PREX1: variants seen among roughly 807,000 people sequenced by gnomAD.
PREX1 encodes phosphatidylinositol 3,4,5-trisphosphate-dependent Rac exchanger 1 protein.
Under a neutral mutation model 198.3 loss-of-function variants are expected in PREX1, and 41 were observed. The ratio of observed to expected loss-of-function variants is 0.21; its 90% confidence interval spans 0.16 to 0.27. The LOEUF (loss-of-function observed/expected upper bound fraction) is 0.27. Ranked by LOEUF, PREX1 falls within the 10% of genes least tolerant of loss-of-function variation. PREX1 has a pLI of 1.00. For missense variants in PREX1, 1,620 were observed against 2,200.7 expected (o/e 0.74, Z 5.28); for synonymous variants, 843 against 887.2 (o/e 0.95, Z 0.89).
At chr20:48,700,156 A>G (rs914699348) in intron 7 of PREX1, among the ~76,000 whole-genome samples, 1 of 152,254 alleles carries the variant, frequency 6.6e-6, no homozygotes, top group Non-Finnish European at 1.5e-5. Flanking sequence ...AAAGAAGGTG[A>G]AGAAACTATC....
the PREX1 span, among the ~76,000 whole-genome samples, chr20:48,836,003 GGGGTGAAATA>G: frequency 6.6e-6 from 1 of 152,196 alleles, no homozygotes; most frequent in African/African-American, 2.4e-5. Flanking sequence ...AGAGGATCTA[GGGGTGAAATA>G]GAGTGAAATA....
intron 1 of PREX1, among the ~76,000 whole-genome samples, chr20:48,770,680 A>T (rs1317017992): frequency 1.3e-5 from 2 of 152,162 alleles, no homozygotes; most frequent in Non-Finnish European, 2.9e-5. Flanking sequence ...ACTGCATTCC[A>T]GCCTGGGTGA....
chr20:48,763,988 A>G (rs1373231288), intron 1 of PREX1, among the ~76,000 whole-genome samples: 4 of 152,206 alleles, frequency 2.6e-5, no homozygotes, highest in African/African-American at 7.2e-5. Flanking sequence ...GCCTCAGAGC[A>G]TGCAGCTAAG....
chr20:48,855,573 A>T, the PREX1 span, among the ~76,000 whole-genome samples: 1 of 152,150 alleles, frequency 6.6e-6, no homozygotes, highest in Admixed American at 6.5e-5. Context: ...CAGCTCATGG[A>T]GCTGACACTC....
intron 35 of PREX1, 22 bp downstream of exon 35, chr20:48,632,255 A>C: frequency 6.2e-7 from 1 of 1,611,944 alleles, no homozygotes; most frequent in Non-Finnish European, 8.5e-7. Context: ...TCCTGCCCCC[A>C]ACGGGGACCC....
intron 1 of PREX1, among the ~76,000 whole-genome samples, chr20:48,825,142 T>C (rs1251081296): frequency 1.3e-5 from 2 of 152,182 alleles, no homozygotes; most frequent in African/African-American, 2.4e-5. Flanking sequence ...AGGTTAGTTT[T>C]GAAAACGAAA....
chr20:48,681,111 G>T (rs1478706968), intron 11 of PREX1, 124 bp downstream of exon 11: 3 of 843,738 alleles, frequency 3.6e-6, no homozygotes, highest in Non-Finnish European at 5.8e-6. Context: ...GGGCCACACT[G>T]TGCCCAGAAA....
In PREX1 at chr20:48,701,655, T is replaced by C. The variant is rs1224232492; in HGVS notation, c.784-769A>G. 3.3e-5 allele frequency among the ~76,000 whole-genome samples: 5 copies of C among 152,302 alleles called. No homozygotes were observed. The South Asian group carries it at 8.3e-4, about 25-fold the overall frequency. ...CCGAATCAACTATGTGCCCTACGTA[T>C]GCCCAGCACCCACAACACTCTCTGG... On this transcript the variant is annotated intron_variant, in intron 6 of 39. Transcript: ENST00000371941.
chr20:48,860,790 G>A, the PREX1 span, among the ~76,000 whole-genome samples: 1 of 149,512 alleles, frequency 6.7e-6, no homozygotes, highest in African/African-American at 2.5e-5. Flanking sequence ...AGCCGAGATC[G>A]CACCACTGCA....
At chr20:48,844,895 A>T in the PREX1 span, among the ~76,000 whole-genome samples, 1 of 152,094 alleles carries the variant, frequency 6.6e-6, no homozygotes, top group Non-Finnish European at 1.5e-5. Flanking sequence ...TCCAGCTATA[A>T]CCTTCTTTCT....
At chr20:48,872,247 T>C in the PREX1 span, among the ~76,000 whole-genome samples, 1 of 151,874 alleles carries the variant, frequency 6.6e-6, no homozygotes, top group Admixed American at 6.6e-5. Flanking sequence ...GTGGGCAGAA[T>C]CATCCACATG....
intron 15 of PREX1, among the ~76,000 whole-genome samples, chr20:48,665,313 C>G (rs2089630417): frequency 6.7e-6 from 1 of 148,250 alleles, no homozygotes; most frequent in Non-Finnish European, 1.5e-5. Flanking sequence ...GAATTCTAAT[C>G]CTGGTTCCAG....
chr20:48,731,091 A>G (rs2122715696), intron 4 of PREX1, among the ~76,000 whole-genome samples: 1 of 152,142 alleles, frequency 6.6e-6, no homozygotes, highest in Non-Finnish European at 1.5e-5. Flanking sequence ...CTCTGACCTC[A>G]TCTCCTCCTG....
chr20:48,854,099 ATCG>A, the PREX1 span, among the ~76,000 whole-genome samples: 1 of 152,146 alleles, frequency 6.6e-6, no homozygotes, highest in Non-Finnish European at 1.5e-5. Flanking sequence ...TCCTCTCACC[ATCG>A]GGTCCAGCTG....
chr20:48,661,419 CAAAAAAAAAAAAAA>C (rs1168247790), intron 15 of PREX1, among the ~76,000 whole-genome samples: 1 of 12,028 alleles, frequency 8.3e-5, no homozygotes, highest in African/African-American at 4.1e-4. Flanking sequence ...AACTCCATCT[CAAAAAAAAAAAAAA>C]AAAAAAAAAA....
At chr20:48,869,110 A>G in the PREX1 span, among the ~76,000 whole-genome samples, 10 of 152,090 alleles carry the variant, frequency 6.6e-5, no homozygotes, top group Admixed American at 5.9e-4. Flanking sequence ...GCTGGGCTCA[A>G]GTGATCCTCC....
At chr20:48,693,962 A>T (rs1281684237) in intron 7 of PREX1, among the ~76,000 whole-genome samples, 1 of 151,686 alleles carries the variant, frequency 6.6e-6, no homozygotes, top group Non-Finnish European at 1.5e-5. Context: ...CCCAGGCTGG[A>T]GTACAGTGGC....
chr20:48,809,808 C>G (rs1291651637), intron 1 of PREX1, among the ~76,000 whole-genome samples: 1 of 152,136 alleles, frequency 6.6e-6, no homozygotes, highest in Non-Finnish European at 1.5e-5. Context: ...CCCAGGTTCT[C>G]CCAAAGGGGC....
intron 1 of PREX1, among the ~76,000 whole-genome samples, chr20:48,754,018 G>A (rs994188541): frequency 6.6e-6 from 1 of 152,188 alleles, no homozygotes; most frequent in Non-Finnish European, 1.5e-5. Context: ...TCTACGCAGC[G>A]CCTGGGACAG....
Sources: allele counts gnomAD v4.1 joint callset (sites outside exome capture counted in the v4.1 genomes callset), GRCh38; gene constraint gnomAD v4.1.1; transcripts MANE v1.5; gene names NCBI Gene and HGNC (gene_info 2026-07-23, HGNC 2026-07-21).